GFRA1: variants seen among roughly 807,000 people sequenced by gnomAD.
The protein encoded by GFRA1 is GDNF family receptor alpha-1.
In GFRA1, 16 loss-of-function variants were observed where a neutral mutation model predicts 51.6. The ratio of observed to expected loss-of-function variants is 0.31; its 90% confidence interval spans 0.21 to 0.47. The LOEUF is 0.47. Among genes scored for constraint, GFRA1 ranks in the 20% least tolerant of loss-of-function variants. The pLI is 1.00. For missense variants in GFRA1, 530 were observed against 594.3 expected, an observed-to-expected ratio of 0.89 and a Z score of 1.13; for synonymous variants, 270 against 241.3, an observed-to-expected ratio of 1.12 and a Z score of -1.10.
intron 6 of GFRA1, among the ~76,000 whole-genome samples, chr10:116,116,141 C>T (rs1489023227): frequency 1.3e-5 from 2 of 152,164 alleles, no homozygotes; most frequent in African/African-American, 4.8e-5. Context: ...GTTGCCCAGG[C>T]TGGAGGGCAA....
At chr10:116,271,153 C>G (rs1035207456) in intron 2 of GFRA1, 38 bp from the exon 3 acceptor site, 1 of 1,551,536 alleles carries the variant, frequency 6.4e-7, no homozygotes, top group East Asian at 2.3e-5. Flanking sequence ...GTGCGGCGGG[C>G]GGGGACCCCG....
chr10:116,150,757 G>GAATAAAA (rs1055095840), intron 5 of GFRA1, among the ~76,000 whole-genome samples: 11 of 152,122 alleles, frequency 7.2e-5, no homozygotes, highest in African/African-American at 2.7e-4. Flanking sequence ...CCAAATCCTA[G>GAATAAAA]AAAATGTAGC....
intron 6 of GFRA1, among the ~76,000 whole-genome samples, chr10:116,106,735 C>T (rs1256147741): frequency 6.7e-6 from 1 of 149,186 alleles, no homozygotes; most frequent in Non-Finnish European, 1.5e-5. Flanking sequence ...TCTTTCACCA[C>T]TTGATATAGT....
At chr10:116,159,213 T>C (rs1380382803) in intron 5 of GFRA1, among the ~76,000 whole-genome samples, 2 of 152,160 alleles carry the variant, frequency 1.3e-5, no homozygotes, top group African/African-American at 4.8e-5. Context: ...TTTAGTTACC[T>C]TCTGACCCTA....
At chr10:116,209,900 A>T (rs1965058097) in intron 5 of GFRA1, among the ~76,000 whole-genome samples, 1 of 152,134 alleles carries the variant, frequency 6.6e-6, no homozygotes, top group African/African-American at 2.4e-5. Flanking sequence ...AGAGCCATGT[A>T]AATAATTCAC....
intron 6 of GFRA1, among the ~76,000 whole-genome samples, chr10:116,107,163 G>A (rs906083643): frequency 2.0e-5 from 3 of 152,150 alleles, no homozygotes; most frequent in Admixed American, 6.5e-5. Context: ...CAGGCTGAAT[G>A]ATAATAAGTC....
intron 5 of GFRA1, among the ~76,000 whole-genome samples, chr10:116,163,328 T>C (rs1960023450): frequency 6.6e-6 from 1 of 152,160 alleles, no homozygotes; most frequent in Non-Finnish European, 1.5e-5. Context: ...TGCCAGGCAC[T>C]TACTCGAGAA....
rs1954945830 is a variant in GFRA1, at chr10:116,063,854, G to A, written c.*544C>T. ...AGTACATATATAAAGGTGAACATCA[G>A]TACCAGCTGTTTCCACAAAGCCCAC... On this transcript the variant is annotated 3_prime_UTR_variant, in exon 11 of 11. Transcript: ENST00000355422. 5.9e-6 allele frequency: 1 copy of A among 168,320 alleles called. No homozygotes were observed. Among genetic ancestry groups the A allele is most frequent in the African/African-American group, 2.4e-5 (1 of 41,600 alleles). The allele number at this position is 168,320 out of a possible 1,614,324, so 10.4% of individuals were successfully genotyped here.
At chr10:116,164,352 C>T (rs1175927494) in intron 5 of GFRA1, among the ~76,000 whole-genome samples, 1 of 151,412 alleles carries the variant, frequency 6.6e-6, no homozygotes, top group Non-Finnish European at 1.5e-5. Context: ...CCAACACTAA[C>T]CCCCAAAAAC....
rs528434348 is a variant in GFRA1, at chr10:116,148,552, G to A, written c.434-22995C>T. On this transcript the variant is annotated intron_variant, in intron 5 of 10. Transcript: ENST00000355422. ...GATTAAATGAGATAATATATGCCTA[G>A]CACATAGCAGACGCCAATAGTCTTG... Among the ~76,000 whole-genome samples, 3 of 152,260 alleles carry A rather than the reference G, an allele frequency of 2.0e-5. No individual in the cohort carries two copies. The South Asian group carries it at 6.2e-4, about 32-fold the overall frequency.
chr10:116,224,514 G>A (rs888705922), intron 4 of GFRA1, among the ~76,000 whole-genome samples: 3 of 152,178 alleles, frequency 2.0e-5, no homozygotes, highest in African/African-American at 7.2e-5. Flanking sequence ...TTGGCAATAG[G>A]AAGACATGAA....
intron 4 of GFRA1, among the ~76,000 whole-genome samples, chr10:116,228,980 CAAAAAA>C (rs57618028): frequency 1.5e-4 from 8 of 52,890 alleles, no homozygotes; most frequent in East Asian, 7.4e-4. Context: ...TACTCCATCT[CAAAAAA>C]AAAAAAAAAA....
intron 4 of GFRA1, among the ~76,000 whole-genome samples, chr10:116,218,039 T>C (rs1965676978): frequency 6.6e-6 from 1 of 152,154 alleles, no homozygotes; most frequent in African/African-American, 2.4e-5. Context: ...AAGCCCCAAA[T>C]CAATTTTCAG....
chr10:116,233,695 A>G (rs1444482778), intron 4 of GFRA1, among the ~76,000 whole-genome samples: 4 of 152,134 alleles, frequency 2.6e-5, no homozygotes, highest in Non-Finnish European at 5.9e-5. Context: ...CTCCCCATCT[A>G]TCAGGATCTT....
Position 116,272,225 on chromosome 10 carries a change from T to C in GFRA1, c.-196A>G. Reference sequence around the variant, plus strand: ...CGCCGCCGGCGACTCAGCTCCGGGATGGCGAGGGCGGGAGGCGGTTCCGCT... The same window carrying C: ...CGCCGCCGGCGACTCAGCTCCGGGACGGCGAGGGCGGGAGGCGGTTCCGCT... On this transcript the variant is annotated 5_prime_UTR_variant, in exon 2 of 11. Transcript: ENST00000355422. This position sits in a 1 kb window ranked among gnomAD's most constrained non-coding sequence, Gnocchi z 4.4. 1 of 626,244 alleles carries C rather than the reference T, an allele frequency of 1.6e-6. No individual in the cohort carries two copies. Among genetic ancestry groups the C allele is most frequent in the Non-Finnish European group, 2.8e-6 (1 of 351,888 alleles). 38.8% of individuals were successfully genotyped at this position (626,244 alleles called of 1,614,324 possible).
At chr10:116,221,829 G>T (rs1290347793) in intron 4 of GFRA1, among the ~76,000 whole-genome samples, 3 of 152,136 alleles carry the variant, frequency 2.0e-5, no homozygotes, top group Non-Finnish European at 4.4e-5. Context: ...CAATTGCAGA[G>T]ACTGCCTAGA....
intron 9 of GFRA1, among the ~76,000 whole-genome samples, chr10:116,082,836 T>C (rs1955910200): frequency 6.6e-6 from 1 of 152,126 alleles, no homozygotes; most frequent in Non-Finnish European, 1.5e-5. Flanking sequence ...CCATCGTTCT[T>C]CCTCTGTGGC....
intron 5 of GFRA1, among the ~76,000 whole-genome samples, chr10:116,154,003 C>T (rs1959154872): frequency 6.6e-6 from 1 of 152,156 alleles, no homozygotes; most frequent in African/African-American, 2.4e-5. Flanking sequence ...ATGTGCTTAA[C>T]ATCATTACAT....
At chr10:116,247,081 G>T (rs1165026806) in intron 4 of GFRA1, among the ~76,000 whole-genome samples, 1 of 152,164 alleles carries the variant, frequency 6.6e-6, no homozygotes, top group Non-Finnish European at 1.5e-5. Context: ...TGTCCAAAAT[G>T]GAACTCTAAG....
Sources: gnomAD v4.1 joint callset for allele counts (sites outside exome capture counted in the v4.1 genomes callset) on GRCh38, gnomAD v4.1.1 for gene constraint, Gnocchi (gnomAD v3.1) non-coding constraint, MANE v1.5 for transcripts, NCBI Gene and HGNC (gene_info 2026-07-23, HGNC 2026-07-21) for gene names.